Variants in PSG7 observed in about 807,000 individuals in gnomAD.
PSG7 encodes the protein pregnancy specific beta-1-glycoprotein 7.
In PSG7, 57 loss-of-function variants were observed where a neutral mutation model predicts 45.6. That is an observed-to-expected ratio of 1.25 (90% CI 1.01 to 1.56). PSG7 has a LOEUF of 1.56. Ranked by LOEUF, PSG7 falls within the 40% of genes most tolerant of loss-of-function variation. The pLI, the probability that PSG7 is intolerant of heterozygous loss-of-function variation, is 0.00. For synonymous variants in PSG7, 298 were observed against 194.4 expected (o/e 1.53, Z -4.43); for missense variants, 796 against 508.4 (o/e 1.57, Z -5.44).
intron 2 of PSG7, among the ~76,000 whole-genome samples, chr19:42,930,293 C>T (rs998290501): frequency 6.6e-6 from 1 of 151,560 alleles, no homozygotes; most frequent in Non-Finnish European, 1.5e-5. Flanking sequence ...TCAGGCAGTG[C>T]AGCCACAAGG....
chr19:42,929,274 C>G (rs1178610169), intron 3 of PSG7, 168 bp downstream of exon 3: 18 of 1,450,348 alleles, frequency 1.2e-5, no homozygotes, highest in East Asian at 1.1e-4. Flanking sequence ...TATTGTGGAT[C>G]AAGCCTAGGC....
At chr19:42,933,557 C>G (rs1260030440) in intron 2 of PSG7, among the ~76,000 whole-genome samples, 1 of 149,766 alleles carries the variant, frequency 6.7e-6, no homozygotes, top group Non-Finnish European at 1.5e-5. Context: ...TTTCCTATTT[C>G]CTGGGAGGTG....
rs1249211148 is a variant in PSG7, at chr19:42,933,940, A to T, written c.430+1464T>A. Among the ~76,000 whole-genome samples, 3 of 151,554 alleles carry T rather than the reference A, an allele frequency of 2.0e-5. No homozygotes were observed. In the East Asian group the frequency reaches 5.8e-4, roughly 29 times the overall value. ...TGTCAGCCTCCGAAGGACAAGGGAC[A>T]GGTGTGGCTAGAAACTCCTGGGATT... On this transcript the variant is annotated intron_variant, in intron 2 of 5. Transcript: ENST00000406070.
chr19:42,934,872 C>T (rs963567901), intron 2 of PSG7, among the ~76,000 whole-genome samples: 7 of 151,698 alleles, frequency 4.6e-5, no homozygotes, highest in African/African-American at 1.2e-4. Flanking sequence ...TGAGCCCTGG[C>T]TGGTGAACAG....
rs1973128117 is a variant in PSG7 at position 42,935,515 on chromosome 19, G to A, written c.319C>T (p.Leu107=). 2 of 1,612,174 alleles carry A rather than the reference G, an allele frequency of 1.2e-6. No homozygotes were observed. Among genetic ancestry groups the A allele is most frequent in the African/African-American group, 1.3e-5 (1 of 74,740 alleles). The change falls in exon 2 of 6, where the codon CTG becomes TTG. Residue 107 remains leucine (L), a synonymous_variant. Coordinates refer to ENST00000406070, the MANE Select transcript of PSG7 (RefSeq NM_002783.3). ...GRETVYSNAS[L]LIQNVTQEDT... ...TCCTGGGTGACATTCTGGATCAGCA[G>A]GGATGCATTGGAATATACTGTTTCT...
chr19:42,927,486 AG>A (rs1180907256), intron 3 of PSG7: 3 of 151,946 alleles, frequency 2.0e-5, no homozygotes, highest in Non-Finnish European at 2.9e-5. Context: ...TGCAGAGGGC[AG>A]GTGAGGACCA....
intron 2 of PSG7, among the ~76,000 whole-genome samples, chr19:42,929,944 A>G (rs1450563436): frequency 4.0e-5 from 6 of 151,646 alleles, no homozygotes; most frequent in South Asian, 4.2e-4. Context: ...TCAAGTGTGA[A>G]TTGAGCAGCA....
At chr19:42,933,734 G>C (rs759694418) in intron 2 of PSG7, among the ~76,000 whole-genome samples, 3 of 151,086 alleles carry the variant, frequency 2.0e-5, no homozygotes, top group Non-Finnish European at 4.4e-5. Flanking sequence ...GAGAGGCAGA[G>C]ACACCATGGC....
At chr19:42,926,877 G>A in intron 3 of PSG7, 161 bp from the exon 4 acceptor site, 1 of 1,357,836 alleles carries the variant, frequency 7.4e-7, no homozygotes, top group Non-Finnish European at 1.0e-6. Flanking sequence ...GATGATCTAA[G>A]GGCTCAAAGA....
In PSG7 at chr19:42,925,531, A is replaced by C. The variant is rs530874084; in HGVS notation, c.1243+242T>G. 47 of 1,057,132 alleles carry C rather than the reference A, an allele frequency of 4.4e-5. 2 individuals are homozygous for C. Among genetic ancestry groups the C allele is most frequent in the African/African-American group, 3.2e-4 (20 of 62,176 alleles). 65.5% of individuals were successfully genotyped at this position (1,057,132 alleles called of 1,614,324 possible). A position where few individuals can be genotyped will look rare whatever the true frequency, so the allele number is the denominator to read the frequency against. On this transcript the variant is annotated intron_variant, in intron 5 of 5. Transcript: ENST00000406070. ...AACATTATCCTCATTATTATCAATT[A>C]TTTCAATGAAATCAATGTTTTTCCT...
chr19:42,925,957 G>T lies in PSG7; in HGVS notation c.1059C>A (p.Ser353=). The T allele has an allele frequency of 1.9e-6, 3 of 1,612,218 alleles. No homozygotes were observed. The highest frequency in any genetic ancestry group is 2.5e-6 in the Non-Finnish European group (3 of 1,179,174). ...YYHSGQNLYL[S]CFADSNPPAQ... ...CCGGTGGGTTAGAGTCCGCAAAGCA[G>T]GACAAGTAGAGGTTTTGTCCTGAAT... Residue 353 remains serine, a synonymous_variant, in exon 5 of 6, where the codon TCC becomes TCA. Coordinates refer to ENST00000406070, the MANE Select transcript of PSG7 (RefSeq NM_002783.3).
intron 5 of PSG7, 105 bp from the exon 6 acceptor site, chr19:42,924,929 T>C (rs775034606): frequency 2.7e-6 from 2 of 736,986 alleles, no homozygotes; most frequent in Non-Finnish European, 5.0e-6. Flanking sequence ...TATGGGCATC[T>C]CTAGTTTTAC....
chr19:42,936,874 C>T (rs1359905996), intron 1 of PSG7, 139 bp downstream of exon 1: 2 of 1,325,986 alleles, frequency 1.5e-6, no homozygotes, highest in South Asian at 1.3e-5. Flanking sequence ...ATCTTGAACT[C>T]CTGATCTCTT....
At chr19:42,935,823 A>C in intron 1 of PSG7, 54 bp from the exon 2 acceptor site, 1 of 1,548,464 alleles carries the variant, frequency 6.5e-7, no homozygotes, top group South Asian at 1.3e-5. Flanking sequence ...TTGGGTTGAA[A>C]AGATGGGCCC....
rs1159168103 is a variant in PSG7 at position 42,928,990 on chromosome 19, T to C, written c.709+452A>G. Reference sequence around the variant, plus strand: ...TGAGGCAGGGGAGCTTGGGGACTTCTCTTGTATGGTAATAGGTGTATGAGG... The same window carrying C: ...TGAGGCAGGGGAGCTTGGGGACTTCCCTTGTATGGTAATAGGTGTATGAGG... On this transcript the variant is annotated intron_variant, in intron 3 of 5. Transcript: ENST00000406070. Among the ~76,000 whole-genome samples, 8 of 151,484 alleles carry C rather than the reference T, an allele frequency of 5.3e-5. 1 individual carries two copies. The highest frequency in any genetic ancestry group is 1.9e-4 in the African/African-American group (8 of 41,182).
intron 1 of PSG7, 115 bp downstream of exon 1, chr19:42,936,898 C>T: frequency 1.4e-6 from 2 of 1,470,064 alleles, no homozygotes; most frequent in Non-Finnish European, 1.9e-6. Flanking sequence ...CCACCCACCT[C>T]AGCCTCCCAA....
At chr19:42,932,744 T>C (rs1420533411) in intron 2 of PSG7, among the ~76,000 whole-genome samples, 1 of 151,534 alleles carries the variant, frequency 6.6e-6, no homozygotes, top group Non-Finnish European at 1.5e-5. Flanking sequence ...ACTAACACCC[T>C]TACTTTGCCC....
intron 2 of PSG7, among the ~76,000 whole-genome samples, chr19:42,931,651 C>T (rs865897902): frequency 4.0e-5 from 6 of 151,360 alleles, no homozygotes; most frequent in Middle Eastern, 3.4e-3. Context: ...GTGTGTCTCC[C>T]CACACGAAGA....
chr19:42,933,307 A>ATATTTTTTT (rs56691588), intron 2 of PSG7, among the ~76,000 whole-genome samples: 5 of 13,504 alleles, frequency 3.7e-4, no homozygotes, highest in Non-Finnish European at 8.1e-4. Flanking sequence ...ATATATATAT[A>ATATTTTTTT]TTTTTTTTTT....
Sources: gnomAD v4.1 joint callset for allele counts (sites outside exome capture counted in the v4.1 genomes callset) on GRCh38, gnomAD v4.1.1 for gene constraint, MANE v1.5 for transcripts, NCBI Gene and HGNC (gene_info 2026-07-23, HGNC 2026-07-21) for gene names.